OPHN1: variants seen among roughly 807,000 people sequenced by gnomAD.
The protein encoded by OPHN1 is oligophrenin-1.
In OPHN1, 11 loss-of-function variants were observed where a neutral mutation model predicts 60.7. That is an observed-to-expected ratio of 0.18 (90% confidence interval 0.11 to 0.30). The LOEUF is 0.30. Ranked by LOEUF, OPHN1 falls within the 10% of genes least tolerant of loss-of-function variation. The pLI is 1.00. For synonymous variants in OPHN1, 226 were observed against 222.6 expected (o/e 1.02, Z -0.14); for missense variants, 449 against 611.0 (o/e 0.73, Z 2.80).
At chrX:68,284,229 C>A (rs1262848257) in intron 3 of OPHN1, among the ~76,000 whole-genome samples, 6 of 110,446 alleles carry the variant, frequency 5.4e-5, no homozygotes, top group Non-Finnish European at 9.5e-5. Flanking sequence ...ATGTGCCAAG[C>A]CTTCTGCTTG....
rs1036918972 is a variant in OPHN1 at position 68,287,006 on chromosome X, AAGAG to A, written c.251-3893_251-3890del. Among the ~76,000 whole-genome samples, 14 of 105,359 alleles carry A rather than the reference AAGAG, an allele frequency of 1.3e-4. No homozygotes were observed. The Admixed American group carries it at 1.4e-3, about 10-fold the overall frequency. 91.5% of individuals were successfully genotyped at this position (105,359 alleles called of 115,157 possible). ...CTACAGCCTGGATGAGAGAGAGAGA[AAGAG>A]AGAGAGAGAAAGAAGGAAGGAAGGC... is the stretch of plus-strand genomic sequence containing the variant. On this transcript the variant is annotated intron_variant, in intron 3 of 24. Transcript: ENST00000355520.
At chrX:68,244,664 A>C (rs2147537628) in intron 5 of OPHN1, among the ~76,000 whole-genome samples, 1 of 112,703 alleles carries the variant, frequency 8.9e-6, no homozygotes, top group South Asian at 3.6e-4. Flanking sequence ...ATTCTGAGTT[A>C]ACTTTTTCAA....
chrX:68,070,300 A>G lies in OPHN1; in HGVS notation c.1834+2852T>C, dbSNP rs141751706. Among the ~76,000 whole-genome samples, 198 of 111,591 alleles carry G rather than the reference A, an allele frequency of 1.8e-3. 1 individual carries two copies. The highest frequency in any genetic ancestry group is 6.3e-3 in the African/African-American group (193 of 30,686). ...TTCTAGAATGCACAATGGTTTAGTC[A>G]CTAAGAAATTCAAATGGGATCTTGA... On this transcript the variant is annotated intron_variant, in intron 20 of 24. Transcript: ENST00000355520.
chrX:68,356,835 G>A, intron 2 of OPHN1, among the ~76,000 whole-genome samples: 1 of 111,501 alleles, frequency 9.0e-6, no homozygotes, highest in Admixed American at 9.7e-5. Flanking sequence ...CTCCACAATA[G>A]GGATGAACCT....
intron 4 of OPHN1, 104 bp from the exon 5 acceptor site, chrX:68,274,913 G>T: frequency 1.8e-6 from 1 of 554,078 alleles, no homozygotes. Context: ...CCTGCAAAAT[G>T]TTAAATGGTT....
chrX:68,294,473 C>CAA (rs570989143), intron 3 of OPHN1, among the ~76,000 whole-genome samples: 177 of 10,638 alleles, frequency 0.017, 26 homozygotes, highest in Middle Eastern at 0.042. Flanking sequence ...GACTCTATCA[C>CAA]AAAAAAAAAA....
chrX:68,352,700 T>C (rs912423999), intron 2 of OPHN1, among the ~76,000 whole-genome samples: 1 of 112,128 alleles, frequency 8.9e-6, no homozygotes, highest in Non-Finnish European at 1.9e-5. Flanking sequence ...GTCCTTCCAA[T>C]GTCAGAACTA....
At chrX:68,129,914 G>C (rs1174039575) in intron 15 of OPHN1, among the ~76,000 whole-genome samples, 1 of 111,726 alleles carries the variant, frequency 9.0e-6, no homozygotes, top group African/African-American at 3.2e-5. Flanking sequence ...CTAATGTGAG[G>C]ATTGATTAGT....
At position 68,212,167 on chromosome X, in the gene OPHN1, C is replaced by T. The variant is rs1229320601; in HGVS notation, c.643G>A (p.Val215Met). 8.3e-7 allele frequency: 1 copy of T among 1,206,019 alleles called. No homozygotes were observed. The highest frequency in any genetic ancestry group is 1.1e-6 in the Non-Finnish European group (1 of 892,432). The change falls in exon 8 of 25, where the codon GTG becomes ATG. Residue 215 changes from valine (V) to methionine (M), a missense_variant. Physicochemically the swap from Val to Met is conservative, Grantham distance 21. This residue lies in a region of OPHN1 where 0 missense variants were observed against 16.9 expected (regional missense o/e 0.00). Coordinates refer to ENST00000355520, the MANE Select transcript of OPHN1 (RefSeq NM_002547.3). ...GGGAGGAAATCCTGTGTGAGCTCCA[C>T]AGTCAGGCTGTTAGAAATGAACAGA... ...HSLFISNSLT[V>M]ELTQDFLPYK...
At chrX:68,208,009 TCTTTCTTTC>T (rs766254549) in intron 9 of OPHN1, among the ~76,000 whole-genome samples, 39 of 111,000 alleles carry the variant, frequency 3.5e-4, no homozygotes, top group Admixed American at 1.2e-3. Context: ...TCTCTCTCTT[TCTTTCTTTC>T]CTTTCTTTCC....
chrX:68,053,206 A>C (rs1179485057), intron 22 of OPHN1, among the ~76,000 whole-genome samples: 1 of 111,830 alleles, frequency 8.9e-6, no homozygotes, highest in Non-Finnish European at 1.9e-5. Context: ...GGAGAACCAA[A>C]GTCATTTTGA....
chrX:68,128,301 C>T (rs1449301969), intron 15 of OPHN1, among the ~76,000 whole-genome samples: 2 of 111,019 alleles, frequency 1.8e-5, no homozygotes, highest in Non-Finnish European at 3.8e-5. Flanking sequence ...GCGATCCTCT[C>T]GCATTGGCTT....
At chrX:68,266,072 G>A (rs1216589291) in intron 5 of OPHN1, among the ~76,000 whole-genome samples, 1 of 109,272 alleles carries the variant, frequency 9.2e-6, no homozygotes, top group Non-Finnish European at 1.9e-5. Flanking sequence ...TGAAAGTGAC[G>A]GGGAGAATGG....
intron 15 of OPHN1, among the ~76,000 whole-genome samples, chrX:68,189,936 A>G (rs1171806521): frequency 9.0e-6 from 1 of 110,541 alleles, no homozygotes; most frequent in Non-Finnish European, 1.9e-5. Context: ...GTAAAAAAAA[A>G]TAACAAGAAG....
intron 5 of OPHN1, among the ~76,000 whole-genome samples, chrX:68,254,965 A>T (rs1185227433): frequency 1.9e-5 from 2 of 105,379 alleles, no homozygotes; most frequent in East Asian, 6.1e-4. Context: ...GGTTGCAGTA[A>T]GCCAAGACTG....
intron 15 of OPHN1, among the ~76,000 whole-genome samples, chrX:68,146,817 TGTGTGTCTGTGTGTGTACACAAAGGC>T (rs6151313): frequency 0.22 from 24,806 of 110,547 alleles, 3,293 homozygotes; most frequent in African/African-American, 0.45. Flanking sequence ...TGTGTGTTTG[TGTGTGTCTGTGTGTGTACACAAAGGC>T]GTGTGTCTGT....
At position 68,044,966 on chromosome X, in the gene OPHN1, T is replaced by C. The variant is rs1343357252; in HGVS notation, c.*2206A>G. 1.8e-5 allele frequency: 2 copies of C among 111,635 alleles called. No homozygotes were observed. Among genetic ancestry groups the C allele is most frequent in the African/African-American group, 3.3e-5 (1 of 30,667 alleles). The allele number at this position is 111,635 out of a possible 1,213,427, so 9.2% of individuals were successfully genotyped here. A position where few individuals can be genotyped will look rare whatever the true frequency, so the allele number is the denominator to read the frequency against. ...GTATTTTCCCCCAAGAAAACCAGAG[T>C]CAAACCATGTTTCTTTAAAGGGACT... On this transcript the variant is annotated 3_prime_UTR_variant, in exon 25 of 25. Transcript: ENST00000355520.
At chrX:68,170,715 A>C (rs2077386332) in intron 15 of OPHN1, among the ~76,000 whole-genome samples, 1 of 97,642 alleles carries the variant, frequency 1.0e-5, no homozygotes, top group Non-Finnish European at 2.0e-5. Context: ...TCTCACTCAT[A>C]GGTGGGAACT....
chrX:68,188,701 T>C (rs1359738908), intron 15 of OPHN1, among the ~76,000 whole-genome samples: 1 of 111,905 alleles, frequency 8.9e-6, no homozygotes, highest in African/African-American at 3.2e-5. Context: ...TTTTATTTGC[T>C]AGGGGACTCT....
Sources: allele counts gnomAD v4.1 joint callset (sites outside exome capture counted in the v4.1 genomes callset), GRCh38; gene constraint gnomAD v4.1.1; regional missense constraint gnomAD v4.1.1; transcripts MANE v1.5; gene names NCBI Gene and HGNC (gene_info 2026-07-23, HGNC 2026-07-21).